Variants in AHCYL1 observed in about 807,000 individuals in gnomAD.
AHCYL1 encodes the protein adenosylhomocysteinase like 1.
AHCYL1 carries 20 observed loss-of-function variants against 79.3 expected under a neutral mutation model. The observed-to-expected ratio is 0.25, with a 90% CI of 0.18 to 0.37. The LOEUF (loss-of-function observed/expected upper bound fraction) is 0.37, where lower values mean the gene tolerates loss of function less well. AHCYL1 is among the 10% of genes least tolerant of loss of function. The probability of loss-of-function intolerance (pLI) is 1.00; values close to 1 mark genes in which losing one functional copy is unlikely to be tolerated. For missense variants in AHCYL1, 330 were observed against 673.6 expected (o/e 0.49, Z 5.65); for synonymous variants, 223 against 242.2 (o/e 0.92, Z 0.74).
At position 110,021,660 on chromosome 1, in the gene AHCYL1, C is replaced by T. The variant is rs760235710; in HGVS notation, c.1587-14C>T. 5 of 1,611,882 alleles carry T rather than the reference C, an allele frequency of 3.1e-6. No homozygotes were observed. The highest frequency in any genetic ancestry group is 3.4e-6 in the Non-Finnish European group (4 of 1,178,620). On this transcript the variant is annotated splice_polypyrimidine_tract_variant and intron_variant, in intron 16 of 16. Transcript: ENST00000369799. The stretch of plus-strand genomic sequence containing the variant: ...AAGACATAAGTGTTAACCAATCACT[C>T]TCTCTCTTTACAGATACTAATGGAC...
intron 2 of AHCYL1, among the ~76,000 whole-genome samples, chr1:110,009,691 T>G (rs1170858009): frequency 6.6e-6 from 1 of 152,218 alleles, no homozygotes; most frequent in Non-Finnish European, 1.5e-5. Flanking sequence ...TAACTCCAGC[T>G]CTGTTTCTTT....
intron 1 of AHCYL1, among the ~76,000 whole-genome samples, chr1:109,989,899 C>G (rs1022639398): frequency 6.6e-6 from 1 of 152,228 alleles, no homozygotes; most frequent in African/African-American, 2.4e-5. Context: ...AGAATTTTTT[C>G]TAGCCTGAAA....
intron 16 of AHCYL1, 115 bp from the exon 17 acceptor site, chr1:110,021,559 G>C (rs1251324448): frequency 2.1e-6 from 2 of 952,526 alleles, no homozygotes; most frequent in African/African-American, 3.3e-5. Flanking sequence ...AATGACTGCA[G>C]GGATCCCACC....
intron 3 of AHCYL1, 63 bp downstream of exon 3, chr1:110,011,420 AAAC>A: frequency 1.0e-5 from 16 of 1,594,412 alleles, no homozygotes; most frequent in Non-Finnish European, 1.4e-5. Context: ...CAGAATCCAC[AAAC>A]AACTTAAGAC....
chr1:110,003,599 GA>G (rs1650453762), intron 1 of AHCYL1, among the ~76,000 whole-genome samples: 1 of 151,984 alleles, frequency 6.6e-6, no homozygotes, highest in Non-Finnish European at 1.5e-5. Flanking sequence ...CACCTGTACT[GA>G]TTTTTTTTTT....
At chr1:109,985,393 T>C (rs1010096370) in intron 1 of AHCYL1, 1 of 1,289,634 alleles carries the variant, frequency 7.8e-7, no homozygotes, top group Non-Finnish European at 9.9e-7. Context: ...TCCGGGATCG[T>C]TTTGAAACCC....
At chr1:110,004,196 AGGCGGGAGTC>A (rs1166349433) in intron 1 of AHCYL1, 1 of 985,500 alleles carries the variant, frequency 1.0e-6, no homozygotes, top group Admixed American at 6.2e-5. Context: ...TGAGACACAG[AGGCGGGAGTC>A]GGCGGGGGAA....
At chr1:110,018,855 C>A in intron 13 of AHCYL1, 196 bp from the exon 14 acceptor site, 3 of 726,466 alleles carry the variant, frequency 4.1e-6, no homozygotes, top group Non-Finnish European at 6.9e-6. Flanking sequence ...CTAACCACAG[C>A]TGATTCTTTA....
intron 9 of AHCYL1, 78 bp from the exon 10 acceptor site, chr1:110,017,417 G>A (rs546769633): frequency 1.8e-5 from 25 of 1,353,042 alleles, no homozygotes; most frequent in Non-Finnish European, 2.5e-5. Flanking sequence ...GTTAATTCCT[G>A]TCTCACAAAT....
intron 1 of AHCYL1, among the ~76,000 whole-genome samples, chr1:110,003,484 A>C (rs192187905): frequency 7.9e-5 from 12 of 152,138 alleles, no homozygotes; most frequent in African/African-American, 2.9e-4. Flanking sequence ...GTAAAGTACA[A>C]CAATGGTGCT....
At chr1:110,001,301 C>G (rs1241688407) in intron 1 of AHCYL1, among the ~76,000 whole-genome samples, 1 of 152,114 alleles carries the variant, frequency 6.6e-6, no homozygotes, top group Non-Finnish European at 1.5e-5. Context: ...ATTCTCCTGC[C>G]TCAGCCTCCT....
intron 1 of AHCYL1, among the ~76,000 whole-genome samples, chr1:110,008,245 C>G (rs1650792474): frequency 6.6e-6 from 1 of 152,172 alleles, no homozygotes; most frequent in East Asian, 1.9e-4. Context: ...TGGTCTCCAT[C>G]TCCTGACCTC....
chr1:110,006,446 C>T lies in AHCYL1; in HGVS notation c.121-2588C>T, dbSNP rs147149616. Among the ~76,000 whole-genome samples, 341 of 152,278 alleles carry T rather than the reference C, an allele frequency of 2.2e-3. 1 individual carries two copies. Among genetic ancestry groups the T allele is most frequent in the African/African-American group, 7.8e-3 (324 of 41,558 alleles). ...ATGATAGGAATTAATAGAAACAGAA[C>T]AACTTTGTAGTCTTCCTTTTCGTCT... On this transcript the variant is annotated intron_variant, in intron 1 of 16. Transcript: ENST00000369799.
At chr1:109,998,284 C>G (rs1164213223) in intron 1 of AHCYL1, among the ~76,000 whole-genome samples, 1 of 152,028 alleles carries the variant, frequency 6.6e-6, no homozygotes, top group Admixed American at 6.5e-5. Flanking sequence ...AAAATTGCTA[C>G]TAAGTTTTCG....
At position 109,993,102 on chromosome 1, in the gene AHCYL1, C is replaced by T. The variant is rs113332150; in HGVS notation, c.120+7930C>T. On this transcript the variant is annotated intron_variant, in intron 1 of 16. Transcript: ENST00000369799. ...TCAGCTCAGGAACTTAACACACATT[C>T]GAACCGGCATTTCGGCCACTTTGGG... Among the ~76,000 whole-genome samples, 1,425 of 152,268 alleles carry T rather than the reference C, an allele frequency of 9.4e-3. 16 individuals are homozygous for T. Among genetic ancestry groups the T allele is most frequent in the Middle Eastern group, 0.014 (4 of 294 alleles).
intron 15 of AHCYL1, among the ~76,000 whole-genome samples, chr1:110,020,517 C>T (rs1413311431): frequency 1.3e-5 from 2 of 151,520 alleles, no homozygotes; most frequent in African/African-American, 2.4e-5. Context: ...CTTTTCTGAA[C>T]GCACTGTACA....
intron 1 of AHCYL1, among the ~76,000 whole-genome samples, chr1:109,998,725 A>G (rs1009595926): frequency 2.0e-5 from 3 of 152,092 alleles, no homozygotes; most frequent in African/African-American, 7.2e-5. Flanking sequence ...TGATCCACCC[A>G]CCTTGGCCTC....
At chr1:110,007,318 C>T (rs1650718029) in intron 1 of AHCYL1, among the ~76,000 whole-genome samples, 1 of 152,082 alleles carries the variant, frequency 6.6e-6, no homozygotes, top group Non-Finnish European at 1.5e-5. Context: ...GGAAGGGCTG[C>T]CTCTGGAGAG....
intron 1 of AHCYL1, among the ~76,000 whole-genome samples, chr1:109,992,139 T>A (rs1340645303): frequency 6.6e-6 from 1 of 152,026 alleles, no homozygotes; most frequent in Non-Finnish European, 1.5e-5. Context: ...CTGGGCCCAG[T>A]GGCTCACGCC....
Sources: allele counts gnomAD v4.1 joint callset (sites outside exome capture counted in the v4.1 genomes callset), GRCh38; gene constraint gnomAD v4.1.1; transcripts MANE v1.5; gene names NCBI Gene and HGNC (gene_info 2026-07-23, HGNC 2026-07-21).